The following ANKRD44 variants were observed in gnomAD, a reference collection of about 807,000 sequenced individuals.
The protein encoded by ANKRD44 is ankyrin repeat domain 44, also known as serine/threonine-protein phosphatase 6 regulatory ankyrin repeat subunit B.
Under a neutral mutation model 116.0 loss-of-function variants are expected in ANKRD44, and 35 were observed. The ratio of observed to expected loss-of-function variants is 0.30; its 90% CI spans 0.23 to 0.40. The LOEUF (loss-of-function observed/expected upper bound fraction) is 0.40, where lower values mean the gene tolerates loss of function less well. Ranked by LOEUF, ANKRD44 falls within the 10% of genes least tolerant of loss-of-function variation. The pLI, the probability that ANKRD44 is intolerant of heterozygous loss-of-function variation, is 1.00. For synonymous variants in ANKRD44, 435 were observed against 461.8 expected (o/e 0.94, Z 0.74); for missense variants, 1,014 against 1,242.6 (o/e 0.82, Z 2.77).
intron 8 of ANKRD44, among the ~76,000 whole-genome samples, chr2:197,120,445 T>C (rs1027274215): frequency 2.0e-5 from 3 of 151,102 alleles, no homozygotes; most frequent in Non-Finnish European, 4.4e-5. Flanking sequence ...AGGCCAAGAG[T>C]TTGAGACCAG....
At chr2:197,305,673 G>A (rs538264602) in intron 1 of ANKRD44, among the ~76,000 whole-genome samples, 21 of 152,150 alleles carry the variant, frequency 1.4e-4, no homozygotes, top group Non-Finnish European at 2.5e-4. Flanking sequence ...TAGAGCTTAT[G>A]TGCTGGCGTT....
At chr2:197,130,004 A>G (rs966136798) in intron 4 of ANKRD44, among the ~76,000 whole-genome samples, 1 of 152,208 alleles carries the variant, frequency 6.6e-6, no homozygotes, top group Non-Finnish European at 1.5e-5. Flanking sequence ...TGTATATTCA[A>G]TAAATTTGGG....
At chr2:197,289,829 G>T (rs566501508) in intron 1 of ANKRD44, among the ~76,000 whole-genome samples, 3 of 151,794 alleles carry the variant, frequency 2.0e-5, no homozygotes, top group Non-Finnish European at 4.4e-5. Flanking sequence ...TAAAGTGGAT[G>T]CATGCCATTT....
Position 197,310,656 on chromosome 2 carries a change from C to A in ANKRD44, c.-52G>T. On this transcript the variant is annotated 5_prime_UTR_variant, in exon 1 of 28. Coordinates refer to ENST00000282272, the MANE Select transcript of ANKRD44 (RefSeq NM_001195144.2). ...ATGCAGGTCCCCGGCCCGCAGATGT[C>A]ACGCCGGGAGCCGGGGAAGCGGAAG... 7.6e-7 allele frequency: 1 copy of A among 1,324,120 alleles called. No individual in the cohort carries two copies. The highest frequency in any genetic ancestry group is 9.8e-7 in the Non-Finnish European group (1 of 1,015,554). The allele number at this position is 1,324,120 out of a possible 1,614,324, so 82.0% of individuals were successfully genotyped here. A position where few individuals can be genotyped will look rare whatever the true frequency, so the allele number is the denominator to read the frequency against.
At chr2:196,995,905 T>A (rs1028769954) in intron 25 of ANKRD44, among the ~76,000 whole-genome samples, 2 of 152,230 alleles carry the variant, frequency 1.3e-5, no homozygotes, top group African/African-American at 4.8e-5. Flanking sequence ...TTACATCTAT[T>A]ATCTATATCA....
At chr2:197,225,814 G>C (rs989612611) in intron 1 of ANKRD44, among the ~76,000 whole-genome samples, 1 of 152,306 alleles carries the variant, frequency 6.6e-6, no homozygotes, top group Middle Eastern at 3.4e-3. Flanking sequence ...GTGATATGGG[G>C]TGGAAATTGC....
At chr2:197,086,555 C>T (rs769192410) in intron 13 of ANKRD44, 125 bp downstream of exon 13, 11 of 824,232 alleles carry the variant, frequency 1.3e-5, no homozygotes, top group Middle Eastern at 4.6e-4. Context: ...GACTTCCTTC[C>T]GAGGAGGATG....
intron 21 of ANKRD44, among the ~76,000 whole-genome samples, chr2:196,976,956 A>G (rs2075765405): frequency 6.6e-6 from 1 of 152,160 alleles, no homozygotes; most frequent in South Asian, 2.1e-4. Flanking sequence ...AAAAACTATT[A>G]GTGTTCACAA....
chr2:197,051,896 C>A (rs1187096709), intron 16 of ANKRD44, among the ~76,000 whole-genome samples: 2 of 152,134 alleles, frequency 1.3e-5, no homozygotes, highest in African/African-American at 4.8e-5. Context: ...TAGCCCCCCA[C>A]AACAAAGAAT....
chr2:197,225,344 T>G (rs2081679273), intron 1 of ANKRD44, among the ~76,000 whole-genome samples: 2 of 152,188 alleles, frequency 1.3e-5, no homozygotes, highest in South Asian at 4.2e-4. Context: ...ACTTTTTCTT[T>G]TTGTTGTTGT....
intron 8 of ANKRD44, among the ~76,000 whole-genome samples, chr2:197,116,001 T>C (rs2078698340): frequency 6.6e-6 from 1 of 152,158 alleles, no homozygotes; most frequent in Non-Finnish European, 1.5e-5. Context: ...AAATGGCATT[T>C]CTTATATTCT....
chr2:197,116,483 C>T (rs1574485798), intron 8 of ANKRD44, among the ~76,000 whole-genome samples: 1 of 152,210 alleles, frequency 6.6e-6, no homozygotes, highest in African/African-American at 2.4e-5. Flanking sequence ...TTCAGCCTCA[C>T]GCAAAGATTC....
intron 16 of ANKRD44, among the ~76,000 whole-genome samples, chr2:197,027,289 G>T (rs1043709076): frequency 6.6e-6 from 1 of 152,284 alleles, no homozygotes; most frequent in South Asian, 2.1e-4. Flanking sequence ...TTTAGCCCGG[G>T]AGGTGGAGGT....
intron 1 of ANKRD44, among the ~76,000 whole-genome samples, chr2:197,245,047 G>C (rs985306642): frequency 6.6e-6 from 1 of 152,176 alleles, no homozygotes; most frequent in Non-Finnish European, 1.5e-5. Context: ...GGCCAAGGTG[G>C]GTCCGGATTT....
intron 1 of ANKRD44, among the ~76,000 whole-genome samples, chr2:197,289,020 T>C (rs577839099): frequency 6.6e-6 from 1 of 152,242 alleles, no homozygotes; most frequent in African/African-American, 2.4e-5. Context: ...CTAGCAACAA[T>C]ATTTTGTATA....
downstream of ANKRD44, among the ~76,000 whole-genome samples, chr2:196,984,446 A>G (rs539640303): frequency 6.6e-6 from 1 of 152,314 alleles, no homozygotes; most frequent in African/African-American, 2.4e-5. Context: ...TAAAGAGACA[A>G]TTCATATAGT....
chr2:197,076,578 G>A (rs188556530), intron 16 of ANKRD44, among the ~76,000 whole-genome samples: 1 of 152,228 alleles, frequency 6.6e-6, no homozygotes, highest in East Asian at 1.9e-4. Context: ...ATGGGGGTTT[G>A]CTGTACAGAT....
Position 197,025,551 on chromosome 2 carries a change from C to A in ANKRD44, c.1651-284G>T, listed in dbSNP as rs1239948083. 2.0e-5 allele frequency among the ~76,000 whole-genome samples: 3 copies of A among 152,116 alleles called. 1 individual carries two copies. The highest frequency in any genetic ancestry group is 4.4e-5 in the Non-Finnish European group (3 of 68,032). On this transcript the variant is annotated intron_variant, in intron 16 of 27. Coordinates refer to ENST00000282272, the MANE Select transcript of ANKRD44 (RefSeq NM_001195144.2). ...CCAGTATTGATTCTACTATCAAACA[C>A]ACATTTACTGCAGATAGTGTGGATA...
chr2:197,023,700 C>T (rs1208587862), intron 17 of ANKRD44, among the ~76,000 whole-genome samples: 1 of 152,158 alleles, frequency 6.6e-6, no homozygotes, highest in Non-Finnish European at 1.5e-5. Flanking sequence ...TCTGAGATAA[C>T]CCTCCACATA....
Sources: gnomAD v4.1 joint callset for allele counts (sites outside exome capture counted in the v4.1 genomes callset) on GRCh38, gnomAD v4.1.1 for gene constraint, MANE v1.5 for transcripts, NCBI Gene and HGNC (gene_info 2026-07-23, HGNC 2026-07-21) for gene names.